Variants in SS18L2 observed in about 807,000 individuals in gnomAD.
SS18L2 encodes the protein SS18-like protein 2.
A neutral mutation model predicts 10.3 loss-of-function variants in SS18L2; 8 were observed. That is an observed-to-expected ratio of 0.78 (90% CI 0.46 to 1.41). The LOEUF (loss-of-function observed/expected upper bound fraction) is 1.41. Among genes scored for constraint, SS18L2 ranks in the 40% most tolerant of loss-of-function variants. The pLI is 0.00. For synonymous variants in SS18L2, 41 were observed against 34.6 expected (o/e 1.19, Z -0.65); for missense variants, 100 against 96.2 (o/e 1.04, Z -0.17).
In SS18L2 at chr3:42,596,460, T is replaced by G. The variant is rs1433545083; in HGVS notation, c.*1951T>G. Among the ~76,000 whole-genome samples, 1 of 152,240 alleles carries G rather than the reference T, an allele frequency of 6.6e-6. No homozygotes were observed. The highest frequency in any genetic ancestry group is 1.9e-4 in the East Asian group (1 of 5,200). ...AAGGCTGAACCCCAGAATCATTACCTGAAAATTCGTACTACCAGTGGTTCT... is the reference window on the plus strand; with the variant it reads ...AAGGCTGAACCCCAGAATCATTACCGGAAAATTCGTACTACCAGTGGTTCT... On this transcript the variant is annotated 3_prime_UTR_variant, in exon 3 of 3. Transcript: ENST00000011691.
At chr3:42,584,150 A>C (rs1283479368) in intron 1 of SS18L2, among the ~76,000 whole-genome samples, 1 of 152,242 alleles carries the variant, frequency 6.6e-6, no homozygotes, top group Non-Finnish European at 1.5e-5. Flanking sequence ...TATTGTAGAT[A>C]TATAGATATC....
At chr3:42,584,324 G>A (rs1240426364) in intron 1 of SS18L2, among the ~76,000 whole-genome samples, 2 of 152,076 alleles carry the variant, frequency 1.3e-5, no homozygotes, top group African/African-American at 2.4e-5. Context: ...GCACAATCTC[G>A]GCCCACTGCA....
intron 2 of SS18L2, 80 bp from the exon 3 acceptor site, chr3:42,594,342 G>C (rs561116763): frequency 9.3e-7 from 1 of 1,079,634 alleles, no homozygotes; most frequent in East Asian, 2.4e-5. Flanking sequence ...TTCCACTAGA[G>C]TGGGTAAATT....
upstream of SS18L2, among the ~76,000 whole-genome samples, chr3:42,588,178 C>T (rs1047667790): frequency 6.6e-6 from 1 of 151,676 alleles, no homozygotes; most frequent in Non-Finnish European, 1.5e-5. Flanking sequence ...CCGAGGCAGA[C>T]AGATCATGAG....
At chr3:42,582,140 A>C (rs1704423306) in intron 1 of SS18L2, 1 of 152,168 alleles carries the variant, frequency 6.6e-6, no homozygotes, top group Admixed American at 6.5e-5. Flanking sequence ...ACGGAGAGGG[A>C]GTGTGACGGG....
Position 42,594,577 on chromosome 3 carries a change from CT to C in SS18L2, c.*70del. 7.3e-7 allele frequency: 1 copy of C among 1,361,550 alleles called. No individual in the cohort carries two copies. Among genetic ancestry groups the C allele is most frequent in the Non-Finnish European group, 1.0e-6 (1 of 959,876 alleles). The allele number at this position is 1,361,550 out of a possible 1,614,324, so 84.3% of individuals were successfully genotyped here. On this transcript the variant is annotated 3_prime_UTR_variant, in exon 3 of 3. Transcript: ENST00000011691. The stretch of plus-strand genomic sequence containing the variant: ...AGGAGTAATTGAATGTAATCCATCT[CT>C]TACAAAATGGAGACAGGGTCTTTAC...
At chr3:42,581,921 G>C (rs1006704629) in exon 1 of SS18L2, 6 of 152,326 alleles carry the variant, frequency 3.9e-5, no homozygotes, top group African/African-American at 1.2e-4. Flanking sequence ...TAGCCGACCG[G>C]GAGGGCTCGG....
At chr3:42,591,904 C>T (rs1245073135) in intron 2 of SS18L2, among the ~76,000 whole-genome samples, 1 of 152,188 alleles carries the variant, frequency 6.6e-6, no homozygotes, top group Non-Finnish European at 1.5e-5. Flanking sequence ...ACACAGAAAA[C>T]TAAGCTCAGG....
chr3:42,595,146 C>T lies in SS18L2; in HGVS notation c.*637C>T, dbSNP rs561229873. On this transcript the variant is annotated 3_prime_UTR_variant, in exon 3 of 3. Transcript: ENST00000011691. ...GTGATTTCTAATTATTATCTAATAT[C>T]ATCTGATAATAGATGATGTTTAATT... 6.6e-6 allele frequency: 1 copy of T among 152,290 alleles called. No homozygotes were observed. Among genetic ancestry groups the T allele is most frequent in the South Asian group, 2.1e-4 (1 of 4,828 alleles). 9.4% of individuals were successfully genotyped at this position (152,290 alleles called of 1,614,324 possible).
upstream of SS18L2, among the ~76,000 whole-genome samples, chr3:42,588,998 C>G (rs185450493): frequency 6.4e-4 from 97 of 152,210 alleles, no homozygotes; most frequent in South Asian, 2.3e-3. Context: ...GGCACAGTAG[C>G]TCACACCTGT....
intron 1 of SS18L2, among the ~76,000 whole-genome samples, chr3:42,584,155 G>T (rs185789321): frequency 7.9e-5 from 12 of 152,302 alleles, no homozygotes; most frequent in African/African-American, 2.9e-4. Context: ...TAGATATATA[G>T]ATATCACATT....
At chr3:42,589,354 C>T (rs963093303), upstream of SS18L2, among the ~76,000 whole-genome samples, 5 of 152,196 alleles carry the variant, frequency 3.3e-5, no homozygotes, top group Admixed American at 3.3e-4. Context: ...CCCAGTAAAG[C>T]AGATGAGCTT....
rs755887947 is a variant in SS18L2, at chr3:42,594,445, A to C, written c.170A>C (p.Asn57Thr). 6.2e-7 allele frequency: 1 copy of C among 1,613,900 alleles called. No individual in the cohort carries two copies. Residue 57 changes from asparagine to threonine, a missense_variant, in exon 3 of 3, where the codon AAT becomes ACT. Physicochemically the swap from Asn to Thr is moderately conservative, Grantham distance 65 (BLOSUM62 0). Coordinates refer to ENST00000011691, the MANE Select transcript of SS18L2 (RefSeq NM_001370300.1). The part of the protein sequence containing the change: ...CVQYQHVLHR[N>T]LIYLATIADA... The stretch of plus-strand genomic sequence containing the variant: ...AGGTACCAGCATGTGTTACATAGAA[A>C]TCTCATTTATTTGGCTACCATTGCA...
At chr3:42,587,735 C>CA (rs34964951), upstream of SS18L2, among the ~76,000 whole-genome samples, 10,879 of 135,840 alleles carry the variant, frequency 0.08, 482 homozygotes, top group Non-Finnish European at 0.11. Context: ...GACTCCGTCT[C>CA]AAAAAAAAAA....
At position 42,595,787 on chromosome 3, in the gene SS18L2, T is replaced by C. The variant is rs967828627; in HGVS notation, c.*1278T>C. Among the ~76,000 whole-genome samples, 1 of 152,292 alleles carries C rather than the reference T, an allele frequency of 6.6e-6. No homozygotes were observed. Among genetic ancestry groups the C allele is most frequent in the African/African-American group, 2.4e-5 (1 of 41,566 alleles). On this transcript the variant is annotated 3_prime_UTR_variant, in exon 3 of 3. Coordinates refer to ENST00000011691, the MANE Select transcript of SS18L2 (RefSeq NM_001370300.1). ...CAACCTAGGGCAACTGTAAAATACA[T>C]GTAAATAGTGAAGAGATAACTCATT...
intron 2 of SS18L2, 32 bp downstream of exon 2, chr3:42,591,633 G>A (rs754835901): frequency 1.2e-4 from 181 of 1,471,876 alleles, no homozygotes; most frequent in Non-Finnish European, 1.7e-4. Flanking sequence ...CCCCTGACCT[G>A]TGGGTAGAGG....
chr3:42,592,518 G>GA (rs1290285891), intron 2 of SS18L2, among the ~76,000 whole-genome samples: 1 of 152,050 alleles, frequency 6.6e-6, no homozygotes, highest in East Asian at 1.9e-4. Context: ...ATTTCTTATA[G>GA]AAAAATATAT....
At position 42,595,898 on chromosome 3, in the gene SS18L2, T is replaced by G. The variant is rs1577378726; in HGVS notation, c.*1389T>G. Among the ~76,000 whole-genome samples the G allele has an allele frequency of 6.6e-6, 1 of 152,364 alleles. No homozygotes were observed. The highest frequency in any genetic ancestry group is 1.9e-4 in the East Asian group (1 of 5,196). On this transcript the variant is annotated 3_prime_UTR_variant, in exon 3 of 3. Coordinates refer to ENST00000011691, the MANE Select transcript of SS18L2 (RefSeq NM_001370300.1). ...GATAATGAAAATAGCATCTGCCTCC[T>G]GAGGTTGTGAGACTGAGATAACGTG...
At chr3:42,588,193 GGAGTTCAAGA>G (rs1226363647), upstream of SS18L2, among the ~76,000 whole-genome samples, 1 of 152,030 alleles carries the variant, frequency 6.6e-6, no homozygotes, top group Non-Finnish European at 1.5e-5. Context: ...CATGAGGTCA[GGAGTTCAAGA>G]CCAGCCTGGC....
Sources: gnomAD v4.1 joint callset for allele counts (sites outside exome capture counted in the v4.1 genomes callset) on GRCh38, gnomAD v4.1.1 for gene constraint, MANE v1.5 for transcripts, NCBI Gene and HGNC (gene_info 2026-07-23, HGNC 2026-07-21) for gene names.